A2ML1: variants seen among roughly 807,000 people sequenced by gnomAD.
A2ML1 encodes the protein alpha-2-macroglobulin like 1, also known as alpha-2-macroglobulin-like protein 1.
Under a neutral mutation model 181.9 loss-of-function variants are expected in A2ML1, and 161 were observed. The ratio of observed to expected loss-of-function variants is 0.89; its 90% confidence interval spans 0.78 to 1.01. The LOEUF (loss-of-function observed/expected upper bound fraction) is 1.01. Among genes scored for constraint, A2ML1 ranks in the 50% least tolerant of loss-of-function variants. A2ML1 has a pLI of 0.00. For synonymous variants in A2ML1, 663 were observed against 666.8 expected (o/e 0.99, Z 0.09); for missense variants, 1,670 against 1,768.1 (o/e 0.94, Z 1.00).
At chr12:8,866,539 C>T (rs1404220767) in intron 29 of A2ML1, among the ~76,000 whole-genome samples, 1 of 151,842 alleles carries the variant, frequency 6.6e-6, no homozygotes, top group Non-Finnish European at 1.5e-5. Context: ...TGTCAGAATC[C>T]TTTTTCAATG....
chr12:8,842,824 T>G (rs978980001), intron 11 of A2ML1, among the ~76,000 whole-genome samples: 1 of 152,266 alleles, frequency 6.6e-6, no homozygotes, highest in African/African-American at 2.4e-5. Flanking sequence ...CTTTGATTTC[T>G]ATATAATCTA....
chr12:8,853,624 A>G (rs1943964130), intron 20 of A2ML1, among the ~76,000 whole-genome samples: 1 of 152,188 alleles, frequency 6.6e-6, no homozygotes, highest in African/African-American at 2.4e-5. Context: ...ACAGGCTGCT[A>G]GACTGAAGGA....
Position 8,867,874 on chromosome 12 carries a change from A to C in A2ML1, c.3750A>C (p.Lys1250Asn). ...DTVVALQALA[K>N]YATTAYMPSE... ...TAGTTGCTCTCCAAGCTCTTGCCAA[A>C]TATGCCACTACCGCCTACATGCCAT... Residue 1250 changes from lysine (K) to asparagine (N), a missense_variant, in exon 30 of 36, where the codon AAA becomes AAC. Lys to Asn is a moderately conservative substitution (Grantham distance 94). Coordinates refer to ENST00000299698, the MANE Select transcript of A2ML1 (RefSeq NM_144670.6). 6.2e-7 allele frequency: 1 copy of C among 1,614,248 alleles called. No individual in the cohort carries two copies.
chr12:8,869,177 G>T lies in A2ML1; in HGVS notation c.4195G>T (p.Asp1399Tyr). 6.2e-7 allele frequency: 1 copy of T among 1,614,070 alleles called. No homozygotes were observed. Among genetic ancestry groups the T allele is most frequent in the South Asian group, 1.1e-5 (1 of 91,068 alleles). The change falls in exon 33 of 36, where the codon GAC (aspartate) becomes TAC (tyrosine). Residue 1399 changes from aspartate to tyrosine, a missense_variant. Physicochemically the swap from Asp to Tyr is radical, Grantham distance 160 (BLOSUM62 -3). Coordinates refer to ENST00000299698, the MANE Select transcript of A2ML1 (RefSeq NM_144670.6). ...PLVKKVEFGT[D>Y]TLNIYLDELI... ...GGTGAAGAAGGTTGAATTTGGAACT[G>T]ACACACTTAACATTTACTTGGATGA...
In A2ML1 at chr12:8,874,416, T is replaced by A; in HGVS notation, c.4222-9T>A. On this transcript the variant is annotated splice_polypyrimidine_tract_variant and intron_variant, in intron 33 of 35. Transcript: ENST00000299698. ...TTCTAAGGTACTGTTTCATCTGTCT[T>A]CCCCACAGCTCATTAAGAACACTCA... is the stretch of plus-strand genomic sequence containing the variant. 6.2e-7 allele frequency: 1 copy of A among 1,606,368 alleles called. No homozygotes were observed. Among genetic ancestry groups the A allele is most frequent in the Non-Finnish European group, 8.5e-7 (1 of 1,173,188 alleles).
chr12:8,834,893 G>A (rs1038237078), intron 5 of A2ML1: 1 of 588,972 alleles, frequency 1.7e-6, no homozygotes, highest in South Asian at 2.1e-5. Context: ...AGTAGACAAG[G>A]ACACCAGCCT....
At chr12:8,868,383 C>T (rs1157834258) in intron 31 of A2ML1, 26 bp downstream of exon 31, 3 of 1,608,350 alleles carry the variant, frequency 1.9e-6, no homozygotes, top group South Asian at 2.2e-5. Flanking sequence ...GTGCTGGTGG[C>T]CGGCAGAGCA....
At chr12:8,825,881 AC>A (rs1942913696) in intron 3 of A2ML1, among the ~76,000 whole-genome samples, 1 of 152,052 alleles carries the variant, frequency 6.6e-6, no homozygotes, top group South Asian at 2.1e-4. Context: ...TACACTTGTC[AC>A]CTTTGTCAAA....
intron 12 of A2ML1, chr12:8,845,203 T>A (rs1592126716): frequency 6.5e-7 from 1 of 1,535,332 alleles, no homozygotes; most frequent in Non-Finnish European, 8.7e-7. Context: ...GCTGTCAGAC[T>A]CCTCCCATCC....
chr12:8,838,186 T>C (rs1943349896), intron 8 of A2ML1, 150 bp from the exon 9 acceptor site: 2 of 537,852 alleles, frequency 3.7e-6, no homozygotes, highest in Non-Finnish European at 6.6e-6. Flanking sequence ...TATGTGCAAG[T>C]GTATACTTCA....
chr12:8,844,069 A>G (rs1399993001), intron 12 of A2ML1, among the ~76,000 whole-genome samples: 2 of 151,888 alleles, frequency 1.3e-5, no homozygotes, highest in South Asian at 4.2e-4. Flanking sequence ...ATGGCCCAGT[A>G]TAGGTGTAAG....
intron 7 of A2ML1, among the ~76,000 whole-genome samples, chr12:8,884,231 G>GTTTTTTTTTTTTTTTT (rs796251871): frequency 8.2e-6 from 1 of 121,562 alleles, no homozygotes; most frequent in African/African-American, 3.2e-5. Flanking sequence ...TTTATTTTTT[G>GTTTTTTTTTTTTTTTT]TTTTTTTTTG....
intron 28 of A2ML1, 99 bp downstream of exon 28, chr12:8,861,396 G>C: frequency 7.3e-7 from 1 of 1,371,266 alleles, no homozygotes; most frequent in South Asian, 1.3e-5. Flanking sequence ...TGTACTCTAG[G>C]ATTCATTTTA....
At chr12:8,841,025 A>AGGAAGGAAGGAAGGACGGAC (rs1592119897) in intron 10 of A2ML1, among the ~76,000 whole-genome samples, 3 of 126,236 alleles carry the variant, frequency 2.4e-5, no homozygotes, top group South Asian at 5.4e-4. Context: ...GAAGGAAGGA[A>AGGAAGGAAGGAAGGACGGAC]GGAAGGAAGG....
chr12:8,860,158 T>C (rs182087362), intron 26 of A2ML1, among the ~76,000 whole-genome samples: 46 of 152,156 alleles, frequency 3.0e-4, no homozygotes, highest in South Asian at 8.3e-4. Context: ...CCTCCTACTT[T>C]AGCTTCCTGA....
At chr12:8,829,260 T>A (rs4883182) in intron 3 of A2ML1, among the ~76,000 whole-genome samples, 1 of 152,060 alleles carries the variant, frequency 6.6e-6, no homozygotes, top group Non-Finnish European at 1.5e-5. Flanking sequence ...TCCAGGCCTG[T>A]GTTTGGACTT....
In A2ML1 at chr12:8,846,767, C is replaced by T. The variant is rs1326962223; in HGVS notation, c.1683+545C>T. 3.4e-5 allele frequency among the ~76,000 whole-genome samples: 5 copies of T among 148,530 alleles called. No individual in the cohort carries two copies. The East Asian group carries it at 1.0e-3, about 30-fold the overall frequency. ...CGGAGGTTGCAGTGAGCAAAGAACA[C>T]ACCATTACACTCCAGCCTGAGTGAC... On this transcript the variant is annotated intron_variant, in intron 14 of 35. Coordinates refer to ENST00000299698, the MANE Select transcript of A2ML1 (RefSeq NM_144670.6).
intron 4 of A2ML1, among the ~76,000 whole-genome samples, chr12:8,831,730 A>T (rs1406852403): frequency 6.6e-6 from 1 of 151,704 alleles, no homozygotes; most frequent in East Asian, 1.9e-4. Flanking sequence ...GCATTTGGAA[A>T]TCGAGTTTTT....
chr12:8,857,512 C>T lies in A2ML1; in HGVS notation c.3031C>T (p.Gln1011Ter), dbSNP rs1456040343. ...RAVGFLEIGY[Q>*]KELMYKHSNG... The stretch of plus-strand genomic sequence containing the variant: ...AACCACATTTGGCTTCCCAGGGTAC[C>T]AGAAGGAGCTGATGTACAAACACAG... The change falls in exon 25 of 36, where the codon CAG becomes TAG. Residue 1011 changes from glutamine (Q) to a stop codon, truncating the protein, a stop_gained. Coordinates refer to ENST00000299698, the MANE Select transcript of A2ML1 (RefSeq NM_144670.6). LOFTEE classifies it high-confidence loss of function. 5.6e-6 allele frequency: 9 copies of T among 1,612,056 alleles called. No homozygotes were observed. The highest frequency in any genetic ancestry group is 7.6e-6 in the Non-Finnish European group (9 of 1,179,198).
Sources: gnomAD v4.1 joint callset for allele counts (sites outside exome capture counted in the v4.1 genomes callset) on GRCh38, gnomAD v4.1.1 for gene constraint, MANE v1.5 for transcripts, NCBI Gene and HGNC (gene_info 2026-07-23, HGNC 2026-07-21) for gene names.